The following SHF variants were observed in gnomAD, a reference collection of about 807,000 sequenced individuals.
The protein encoded by SHF is Src homology 2 domain containing F, also known as SH2 domain-containing adapter protein F.
A neutral mutation model predicts 42.4 loss-of-function variants in SHF; 30 were observed. That is an observed-to-expected ratio of 0.71 (90% CI 0.53 to 0.96). SHF has a LOEUF of 0.96. Among genes scored for constraint, SHF ranks in the 40% least tolerant of loss-of-function variants. The probability of loss-of-function intolerance (pLI) is 0.00; values close to 1 mark genes in which losing one functional copy is unlikely to be tolerated. For synonymous variants in SHF, 264 were observed against 269.9 expected, an observed-to-expected ratio of 0.98 and a Z score of 0.21; for missense variants, 598 against 634.0, an observed-to-expected ratio of 0.94 and a Z score of 0.61.
chr15:45,168,229 G>A, intron 6 of SHF, 96 bp from the exon 7 acceptor site: 1 of 1,228,052 alleles, frequency 8.1e-7, no homozygotes, highest in Non-Finnish European at 1.1e-6. Flanking sequence ...AGCAAATGTG[G>A]TGGTTCCGAA....
upstream of SHF, among the ~76,000 whole-genome samples, chr15:45,188,421 A>C (rs1365205243): frequency 6.6e-6 from 1 of 152,126 alleles, no homozygotes; most frequent in East Asian, 1.9e-4. Context: ...GGGCAAGAAA[A>C]GGGGCTAGGT....
At chr15:45,186,900 G>A (rs1193669017) in intron 1 of SHF, among the ~76,000 whole-genome samples, 1 of 152,264 alleles carries the variant, frequency 6.6e-6, no homozygotes, top group Non-Finnish European at 1.5e-5. Flanking sequence ...TGCTGTGTCC[G>A]CAAGGAGAAA....
upstream of SHF, among the ~76,000 whole-genome samples, chr15:45,188,956 G>A (rs1898614786): frequency 6.6e-6 from 1 of 152,154 alleles, no homozygotes; most frequent in Non-Finnish European, 1.5e-5. Context: ...ACTTTGGGAG[G>A]CCGAAACGGG....
chr15:45,170,665 T>C (rs1897433343), intron 6 of SHF: 7 of 309,830 alleles, frequency 2.3e-5, no homozygotes, highest in East Asian at 9.9e-5. Flanking sequence ...TTTTTTTTTT[T>C]CTGAGACAGA....
At chr15:45,188,106 C>A (rs1898570357), upstream of SHF, 3 of 311,428 alleles carry the variant, frequency 9.6e-6, no homozygotes, top group South Asian at 4.6e-4. Context: ...GGTCTTCCTC[C>A]TCCCGTAGCT....
At chr15:45,172,044 C>T (rs1897519481) in intron 5 of SHF, 42 bp from the exon 6 acceptor site, 3 of 1,613,676 alleles carry the variant, frequency 1.9e-6, no homozygotes, top group Non-Finnish European at 2.5e-6. Flanking sequence ...CTGCTGGGTC[C>T]CTCGCTGTCC....
Position 45,168,018 on chromosome 15 carries a change from T to C in SHF, c.1396A>G (p.Ser466Gly), listed in dbSNP as rs1897303403. ...SVPEIVHHYA[S>G]RKLPIKGAEH... ...GCTCCCTTAATGGGTAGCTTGCGGC[T>C]GGCATAGTGGTGCACAATTTCAGGG... is the stretch of plus-strand genomic sequence containing the variant. The change falls in exon 7 of 7, where the codon AGC (serine) becomes GGC (glycine). Residue 466 changes from serine to glycine, a missense_variant. Ser to Gly is a moderately conservative substitution (Grantham distance 56, BLOSUM62 0). Around this residue, in one of 2 missense-constraint regions of SHF, gnomAD observed 439 missense variants for 524.6 expected, o/e 0.84. Transcript: ENST00000690270. 1 of 1,613,500 alleles carries C rather than the reference T, an allele frequency of 6.2e-7. No individual in the cohort carries two copies. Among genetic ancestry groups the C allele is most frequent in the Non-Finnish European group, 8.5e-7 (1 of 1,179,670 alleles).
chr15:45,171,844 C>T (rs1248934349), intron 6 of SHF, 39 bp downstream of exon 6: 2 of 1,600,306 alleles, frequency 1.2e-6, no homozygotes, highest in Non-Finnish European at 1.7e-6. Context: ...CCCTTCCACC[C>T]TGCTTGCTGT....
At chr15:45,181,563 A>C (rs1450241998) in intron 1 of SHF, among the ~76,000 whole-genome samples, 1 of 152,176 alleles carries the variant, frequency 6.6e-6, no homozygotes. Context: ...TGTATCCTGC[A>C]TCAATCTCAG....
At chr15:45,200,092 C>T (rs1269618367) in intron 1 of SHF, 4 of 152,318 alleles carry the variant, frequency 2.6e-5, no homozygotes, top group Non-Finnish European at 4.4e-5. Context: ...TACCTTGATC[C>T]TCACTTCCTT....
intron 6 of SHF, chr15:45,170,457 C>T: frequency 7.8e-7 from 1 of 1,287,522 alleles, no homozygotes; most frequent in Non-Finnish European, 1.0e-6. Flanking sequence ...TTTGATTTTA[C>T]AATTCAGACT....
intron 6 of SHF, among the ~76,000 whole-genome samples, chr15:45,169,995 G>A (rs1047774361): frequency 6.6e-6 from 1 of 152,258 alleles, no homozygotes; most frequent in Non-Finnish European, 1.5e-5. Context: ...TGCAAACGAG[G>A]CTCTGGCAGA....
At position 45,171,987 on chromosome 15, in the gene SHF, G is replaced by A. The variant is rs189606341; in HGVS notation, c.1176C>T (p.Ala392=). The A allele has an allele frequency of 3.1e-6, 5 of 1,613,972 alleles. No homozygotes were observed. The East Asian group carries it at 1.1e-4, about 36-fold the overall frequency. ...PLENQVWYHG[A]ISRTDAENLL... ...GGTTCTCGGCGTCGGTTCGGCTGAT[G>A]GCCCCGTGATACCAGCTAAGGATGA... The change falls in exon 6 of 7, where the codon GCC becomes GCT. Residue 392 remains alanine, a synonymous_variant. Coordinates refer to ENST00000690270, the MANE Select transcript of SHF (RefSeq NM_001394037.1).
chr15:45,186,641 C>T (rs1311477761), intron 1 of SHF, among the ~76,000 whole-genome samples: 1 of 152,250 alleles, frequency 6.6e-6, no homozygotes, highest in Non-Finnish European at 1.5e-5. Flanking sequence ...CCTGCAGACC[C>T]AGGAAAAGCT....
intron 1 of SHF, 77 bp downstream of exon 1, chr15:45,187,377 C>A: frequency 8.2e-7 from 1 of 1,216,630 alleles, no homozygotes; most frequent in Non-Finnish European, 1.0e-6. Flanking sequence ...CGGGCCAGGC[C>A]ACCTTTGTCC....
intron 6 of SHF, chr15:45,170,508 A>G: frequency 8.4e-7 from 1 of 1,191,476 alleles, no homozygotes; most frequent in Non-Finnish European, 1.1e-6. Context: ...TAATCTATCA[A>G]CTCATTTGGC....
chr15:45,184,005 A>G (rs917501035), intron 1 of SHF, among the ~76,000 whole-genome samples: 6 of 152,184 alleles, frequency 3.9e-5, no homozygotes, highest in Non-Finnish European at 8.8e-5. Context: ...TCCTCCCTCT[A>G]TCTCCATCTG....
At chr15:45,174,515 G>A (rs751499404) in intron 3 of SHF, 1 of 152,644 alleles carries the variant, frequency 6.6e-6, no homozygotes, top group Non-Finnish European at 1.5e-5. Context: ...AAGCAGGGGA[G>A]AGGGGCATAT....
At chr15:45,168,856 A>G (rs1307553659) in intron 6 of SHF, among the ~76,000 whole-genome samples, 1 of 152,182 alleles carries the variant, frequency 6.6e-6, no homozygotes, top group Non-Finnish European at 1.5e-5. Context: ...GGAAATCAGC[A>G]TTAGTGCCTG....
Sources: gnomAD v4.1 joint callset for allele counts (sites outside exome capture counted in the v4.1 genomes callset) on GRCh38, gnomAD v4.1.1 for gene constraint, gnomAD v4.1.1 regional missense constraint, MANE v1.5 for transcripts, NCBI Gene and HGNC (gene_info 2026-07-23, HGNC 2026-07-21) for gene names.